The following DMRT1 variants were observed in gnomAD, a reference collection of about 807,000 sequenced individuals.
DMRT1 encodes the protein doublesex- and mab-3-related transcription factor 1.
Under a neutral mutation model 32.3 loss-of-function variants are expected in DMRT1, and 7 were observed. The observed-to-expected ratio is 0.22, with a 90% CI of 0.12 to 0.41. DMRT1 has a LOEUF of 0.41. DMRT1 is among the 10% of genes least tolerant of loss of function. The pLI is 1.00. For missense variants in DMRT1, 625 were observed against 500.5 expected (o/e 1.25, Z -2.37); for synonymous variants, 278 against 206.1 (o/e 1.35, Z -2.99).
At chr9:846,938 A>ACTCATTGTC (rs1182890668) in intron 1 of DMRT1, 22 bp from the exon 2 acceptor site, 1 of 1,613,914 alleles carries the variant, frequency 6.2e-7, no homozygotes, top group East Asian at 2.2e-5. Context: ...CTGGAGGATG[A>ACTCATTGTC]CTCATTGTCG....
At chr9:940,937 A>T (rs1586645309) in intron 4 of DMRT1, among the ~76,000 whole-genome samples, 1 of 152,362 alleles carries the variant, frequency 6.6e-6, no homozygotes, top group Admixed American at 6.5e-5. Context: ...ATATGAAAGG[A>T]TGCTCAATAT....
intron 1 of DMRT1, among the ~76,000 whole-genome samples, chr9:846,530 C>T (rs565546317): frequency 2.2e-4 from 33 of 152,146 alleles, no homozygotes; most frequent in African/African-American, 7.2e-4. Context: ...TAGTTTTTTC[C>T]TGATCCTCCC....
chr9:845,633 C>G (rs553142407), intron 1 of DMRT1, among the ~76,000 whole-genome samples: 1 of 152,264 alleles, frequency 6.6e-6, no homozygotes, highest in African/African-American at 2.4e-5. Flanking sequence ...ACACACCTGT[C>G]TTCTCCCTTC....
chr9:954,108 G>C (rs927761621), intron 4 of DMRT1, among the ~76,000 whole-genome samples: 1 of 152,148 alleles, frequency 6.6e-6, no homozygotes, highest in African/African-American at 2.4e-5. Flanking sequence ...TTAGAGGTCT[G>C]TGCAGGCATC....
chr9:879,776 ACT>A (rs1388169135), intron 2 of DMRT1, among the ~76,000 whole-genome samples: 8 of 151,986 alleles, frequency 5.3e-5, no homozygotes, highest in Non-Finnish European at 1.0e-4. Context: ...ATGGCCATAG[ACT>A]CTCTTATACT....
intron 2 of DMRT1, among the ~76,000 whole-genome samples, chr9:869,192 A>G (rs1564210025): frequency 6.6e-6 from 1 of 152,146 alleles, no homozygotes; most frequent in Non-Finnish European, 1.5e-5. Flanking sequence ...GTACTAAGTG[A>G]ATTTCAAGGA....
chr9:884,759 C>T (rs1052672046), intron 2 of DMRT1, among the ~76,000 whole-genome samples: 1 of 152,146 alleles, frequency 6.6e-6, no homozygotes, highest in African/African-American at 2.4e-5. Flanking sequence ...TATTTGAGGT[C>T]AGGAGTTCGA....
At chr9:930,684 A>T (rs1444021887) in intron 4 of DMRT1, among the ~76,000 whole-genome samples, 2 of 152,114 alleles carry the variant, frequency 1.3e-5, no homozygotes. Context: ...CTGGGATTAC[A>T]GACATGAGCC....
chr9:954,454 A>G (rs1819529669), intron 4 of DMRT1, among the ~76,000 whole-genome samples: 1 of 152,056 alleles, frequency 6.6e-6, no homozygotes, highest in Non-Finnish European at 1.5e-5. Context: ...AGAGAGCAGG[A>G]TGCAGCAGCT....
At chr9:880,635 A>G (rs1256559496) in intron 2 of DMRT1, among the ~76,000 whole-genome samples, 1 of 149,962 alleles carries the variant, frequency 6.7e-6, no homozygotes, top group Non-Finnish European at 1.5e-5. Context: ...CTGAGGCAGG[A>G]GAATTGCTTG....
rs1014092452 is a variant in DMRT1, at chr9:894,041, A to G, written c.668A>G (p.Asn223Ser). ...CAGCCGTCTCTGTTTCCTTATTACA[A>G]CAATCTATACAACTGCCCGCAGTAC... ...FYQPSLFPYY[N>S]NLYNCPQYSM... The change falls in exon 3 of 5, where the codon AAC (asparagine) becomes AGC (serine). Residue 223 changes from asparagine to serine, a missense_variant. Physicochemically the swap from Asn to Ser is conservative, Grantham distance 46. This residue lies in a region of DMRT1 where 416 missense variants were observed against 321.6 expected (regional missense o/e 1.29). Transcript: ENST00000382276. 1.2e-6 allele frequency: 2 copies of G among 1,614,206 alleles called. No homozygotes were observed. The highest frequency in any genetic ancestry group is 2.2e-5 in the East Asian group (1 of 44,882).
chr9:964,642 C>G (rs1819875684), intron 4 of DMRT1, among the ~76,000 whole-genome samples: 1 of 152,076 alleles, frequency 6.6e-6, no homozygotes, highest in Admixed American at 6.5e-5. Flanking sequence ...GCTTCCTGCC[C>G]CCAACCCCAG....
intron 4 of DMRT1, among the ~76,000 whole-genome samples, chr9:929,512 T>C (rs370443160): frequency 3.9e-5 from 6 of 152,248 alleles, no homozygotes; most frequent in African/African-American, 1.4e-4. Context: ...TGGATTGTAG[T>C]TTATCCTTGA....
At chr9:907,702 G>A (rs1817826114) in intron 3 of DMRT1, among the ~76,000 whole-genome samples, 1 of 152,084 alleles carries the variant, frequency 6.6e-6, no homozygotes, top group African/African-American at 2.4e-5. Flanking sequence ...GACAAGTTTT[G>A]TAGAACAGTT....
At chr9:888,479 A>G (rs1026639372) in intron 2 of DMRT1, among the ~76,000 whole-genome samples, 3 of 151,616 alleles carry the variant, frequency 2.0e-5, no homozygotes, top group Non-Finnish European at 2.9e-5. Flanking sequence ...GCCAATTTTT[A>G]TATGTTTTGT....
At chr9:845,427 C>T (rs899037195) in intron 1 of DMRT1, among the ~76,000 whole-genome samples, 4 of 152,174 alleles carry the variant, frequency 2.6e-5, no homozygotes, top group Admixed American at 2.0e-4. Flanking sequence ...AGGCTGGTCT[C>T]GAGCTCCTGA....
chr9:949,048 G>A (rs1293394062), intron 4 of DMRT1, among the ~76,000 whole-genome samples: 1 of 151,828 alleles, frequency 6.6e-6, no homozygotes, highest in Admixed American at 6.6e-5. Context: ...AGCTGAGATC[G>A]TGCCACTGTA....
chr9:877,630 T>A (rs986293206), intron 2 of DMRT1, among the ~76,000 whole-genome samples: 12 of 152,208 alleles, frequency 7.9e-5, no homozygotes, highest in Admixed American at 7.2e-4. Context: ...AGAAGCTAAA[T>A]ATGGAATTGT....
Position 953,228 on chromosome 9 carries a change from C to CGTA in DMRT1, c.968-14757_968-14756insGTA, listed in dbSNP as rs139470319. Among the ~76,000 whole-genome samples the CGTA allele has an allele frequency of 4.8e-3, 733 of 152,178 alleles. 6 individuals carry two copies. Among genetic ancestry groups the CGTA allele is most frequent in the African/African-American group, 0.017 (686 of 41,508 alleles). On this transcript the variant is annotated intron_variant, in intron 4 of 4. Transcript: ENST00000382276. ...TCTAAAACGTATCTGACGGCCACCC[C>CGTA]TTATCTATTTTTCTAAGGTAGTAGC...
Sources: gnomAD v4.1 joint callset for allele counts (sites outside exome capture counted in the v4.1 genomes callset) on GRCh38, gnomAD v4.1.1 for gene constraint, gnomAD v4.1.1 regional missense constraint, MANE v1.5 for transcripts, NCBI Gene and HGNC (gene_info 2026-07-23, HGNC 2026-07-21) for gene names.